Variants in DPP10 observed in about 807,000 individuals in gnomAD.
DPP10 encodes inactive dipeptidyl peptidase 10.
DPP10 carries 33 observed loss-of-function variants against 120.9 expected under a neutral mutation model. That is an observed-to-expected ratio of 0.27 (90% CI 0.21 to 0.37). The LOEUF is 0.37. DPP10 is among the 10% of genes least tolerant of loss of function. DPP10 has a pLI of 1.00. For missense variants in DPP10, 816 were observed against 942.8 expected, an observed-to-expected ratio of 0.87 and a Z score of 1.76; for synonymous variants, 337 against 326.1, an observed-to-expected ratio of 1.03 and a Z score of -0.36.
At chr2:115,161,848 CG>C in intron 1 of DPP10, 1 of 1,158,798 alleles carries the variant, frequency 8.6e-7, no homozygotes, top group Non-Finnish European at 1.1e-6. Context: ...CCGTCCCTTC[CG>C]CCGATTCCGG....
chr2:115,334,397 T>A (rs955391428), intron 2 of DPP10, among the ~76,000 whole-genome samples: 1 of 151,512 alleles, frequency 6.6e-6, no homozygotes, highest in African/African-American at 2.4e-5. Flanking sequence ...ACTTTTCCTT[T>A]TTGGCTTTTG....
intron 1 of DPP10, among the ~76,000 whole-genome samples, chr2:115,110,988 A>T (rs968342168): frequency 2.6e-5 from 4 of 152,164 alleles, no homozygotes; most frequent in Non-Finnish European, 5.9e-5. Flanking sequence ...TAAAAATATA[A>T]GCACAATAAA....
intron 1 of DPP10, among the ~76,000 whole-genome samples, chr2:115,000,056 A>G (rs1701340787): frequency 6.6e-6 from 1 of 151,756 alleles, no homozygotes; most frequent in Non-Finnish European, 1.5e-5. Context: ...CCTCATGACC[A>G]TCCCTAAACT....
At chr2:115,283,116 C>T (rs1164359630) in intron 1 of DPP10, among the ~76,000 whole-genome samples, 1 of 151,874 alleles carries the variant, frequency 6.6e-6, no homozygotes, top group Non-Finnish European at 1.5e-5. Context: ...CTTTTCTATT[C>T]AAATCTTATT....
intron 5 of DPP10, among the ~76,000 whole-genome samples, chr2:115,604,688 G>C (rs1158415566): frequency 1.3e-5 from 1 of 74,462 alleles, no homozygotes; most frequent in Non-Finnish European, 2.7e-5. Context: ...CATCTGCAAG[G>C]TTCTTTTAAT....
chr2:115,806,094 A>G (rs1445206002), intron 19 of DPP10, among the ~76,000 whole-genome samples: 1 of 152,200 alleles, frequency 6.6e-6, no homozygotes, highest in Non-Finnish European at 1.5e-5. Flanking sequence ...GGATAAAGGA[A>G]TTTAAAATAC....
At chr2:114,458,430 A>G (rs556878295) in intron 1 of DPP10, among the ~76,000 whole-genome samples, 52 of 152,254 alleles carry the variant, frequency 3.4e-4, no homozygotes, top group Non-Finnish European at 5.4e-4. Context: ...TTTTTTTTAA[A>G]TAAAGAGGTT....
intron 1 of DPP10, among the ~76,000 whole-genome samples, chr2:115,139,272 C>T (rs2050797106): frequency 6.6e-6 from 1 of 151,938 alleles, no homozygotes; most frequent in Non-Finnish European, 1.5e-5. Flanking sequence ...GTTTTAATCT[C>T]CTAAATGAAA....
intron 1 of DPP10, among the ~76,000 whole-genome samples, chr2:114,813,590 AC>A (rs1685366839): frequency 1.3e-5 from 2 of 152,114 alleles, no homozygotes; most frequent in African/African-American, 4.8e-5. Flanking sequence ...TCAAAATCTT[AC>A]TACCTTATTC....
At chr2:115,798,703 G>A (rs1480989955) in intron 19 of DPP10, among the ~76,000 whole-genome samples, 1 of 151,958 alleles carries the variant, frequency 6.6e-6, no homozygotes, top group Non-Finnish European at 1.5e-5. Context: ...AATAATTATT[G>A]TATTTTTAAA....
rs1700815349 is a variant in DPP10, at chr2:114,708,384, A to C, written c.60+265546A>C. On this transcript the variant is annotated intron_variant, in intron 1 of 25. Transcript: ENST00000410059. Reference sequence around the variant, plus strand: ...ATTCTAGGTGGTTTCTCCTTATGTCAGGACACTGTATCCTCAGCACATGCT... The same window carrying C: ...ATTCTAGGTGGTTTCTCCTTATGTCCGGACACTGTATCCTCAGCACATGCT... Among the ~76,000 whole-genome samples the C allele has an allele frequency of 2.6e-5, 4 of 152,208 alleles. No homozygotes were observed. The South Asian group carries it at 8.3e-4, about 32-fold the overall frequency.
chr2:115,001,946 G>C lies in DPP10; in HGVS notation c.61-307293G>C, dbSNP rs1271089198. ...AAGAAAAAATCAATGTAATTAAAAT[G>C]GCTATACTGCCCAAAGCAATTTATG... On this transcript the variant is annotated intron_variant, in intron 1 of 25. Transcript: ENST00000410059. Among the ~76,000 whole-genome samples, 4 of 152,148 alleles carry C rather than the reference G, an allele frequency of 2.6e-5. No individual in the cohort carries two copies. The East Asian group carries it at 7.7e-4, about 29-fold the overall frequency.
intron 1 of DPP10, among the ~76,000 whole-genome samples, chr2:114,485,555 TTGCACTAGTGTTG>T (rs934832469): frequency 2.5e-5 from 3 of 119,234 alleles, no homozygotes; most frequent in East Asian, 2.0e-4. Context: ...CCATTTTGGT[TTGCACTAGTGTTG>T]TGCACTAGTG....
At chr2:115,668,190 A>G (rs933127599) in intron 5 of DPP10, among the ~76,000 whole-genome samples, 6 of 152,020 alleles carry the variant, frequency 3.9e-5, no homozygotes, top group Non-Finnish European at 8.8e-5. Flanking sequence ...AGTTGTGCCA[A>G]TATTCAGGTG....
At chr2:115,570,146 G>A (rs577464138) in intron 5 of DPP10, among the ~76,000 whole-genome samples, 13 of 152,170 alleles carry the variant, frequency 8.5e-5, no homozygotes, top group Middle Eastern at 3.4e-3. Flanking sequence ...CAACACAACC[G>A]GGAAACTCTT....
intron 1 of DPP10, among the ~76,000 whole-genome samples, chr2:114,644,672 C>T (rs571138177): frequency 4.6e-4 from 70 of 151,888 alleles, no homozygotes; most frequent in Non-Finnish European, 4.7e-4. Context: ...GGCCTGTTGA[C>T]CTAAGTTGGA....
intron 1 of DPP10, among the ~76,000 whole-genome samples, chr2:114,449,710 AC>A (rs906407929): frequency 4.6e-5 from 7 of 152,184 alleles, no homozygotes; most frequent in African/African-American, 1.4e-4. Flanking sequence ...ATCTGCCCAA[AC>A]AAAAATGCTA....
intron 1 of DPP10, among the ~76,000 whole-genome samples, chr2:114,911,583 C>G (rs1694372731): frequency 6.6e-6 from 1 of 152,148 alleles, no homozygotes; most frequent in African/African-American, 2.4e-5. Flanking sequence ...AGGGGGCTCT[C>G]TGGAGCAGTG....
intron 12 of DPP10, among the ~76,000 whole-genome samples, chr2:115,763,402 T>C (rs1680340112): frequency 1.3e-5 from 2 of 152,162 alleles, no homozygotes; most frequent in Non-Finnish European, 2.9e-5. Context: ...AGCTTCATAC[T>C]CCCCAGGTCT....
Sources: allele counts gnomAD v4.1 joint callset (sites outside exome capture counted in the v4.1 genomes callset), GRCh38; gene constraint gnomAD v4.1.1; transcripts MANE v1.5; gene names NCBI Gene and HGNC (gene_info 2026-07-23, HGNC 2026-07-21).